Variants in TMPRSS11E observed in about 807,000 individuals in gnomAD.
TMPRSS11E encodes transmembrane protease serine 11E.
TMPRSS11E carries 38 observed loss-of-function variants against 48.1 expected under a neutral mutation model. The observed-to-expected ratio is 0.79, with a 90% CI of 0.61 to 1.04. TMPRSS11E has a LOEUF of 1.04. TMPRSS11E is among the 50% of genes least tolerant of loss of function. The pLI, the probability that TMPRSS11E is intolerant of heterozygous loss-of-function variation, is 0.00. For missense variants in TMPRSS11E, 530 were observed against 510.8 expected (o/e 1.04, Z -0.36); for synonymous variants, 158 against 171.9 (o/e 0.92, Z 0.63).
chr4:68,489,203 T>A (rs1306414890), intron 9 of TMPRSS11E, among the ~76,000 whole-genome samples: 1 of 152,200 alleles, frequency 6.6e-6, no homozygotes, highest in Admixed American at 6.5e-5. Context: ...ATTTCATTCG[T>A]TTTTGGATGA....
At chr4:68,462,595 A>G (rs1728823692) in intron 2 of TMPRSS11E, among the ~76,000 whole-genome samples, 1 of 151,518 alleles carries the variant, frequency 6.6e-6, no homozygotes, top group South Asian at 2.1e-4. Flanking sequence ...AAAGAAAAAA[A>G]AAAATCCAAC....
intron 9 of TMPRSS11E, among the ~76,000 whole-genome samples, chr4:68,484,901 T>G (rs1401398403): frequency 6.6e-6 from 1 of 152,150 alleles, no homozygotes. Flanking sequence ...TGAAGAGAGA[T>G]AGTTTGACTT....
rs1728508713 is a variant in TMPRSS11E, at chr4:68,451,892, G to C, written c.11+4369G>C. ...TTCAAAGCCTATGCTCTTAATCACA[G>C]TGCTATACCACCCTCACAATGTCTC... On this transcript the variant is annotated intron_variant, in intron 1 of 9. Transcript: ENST00000305363. Among the ~76,000 whole-genome samples the C allele has an allele frequency of 2.0e-5, 3 of 151,850 alleles. No homozygotes were observed. The South Asian group carries it at 6.2e-4, about 32-fold the overall frequency.
chr4:68,496,954 C>T lies in TMPRSS11E; in HGVS notation c.*150C>T. The T allele has an allele frequency of 1.2e-6, 1 of 802,690 alleles. No homozygotes were observed. Among genetic ancestry groups the T allele is most frequent in the Non-Finnish European group, 2.0e-6 (1 of 496,702 alleles). The allele number at this position is 802,690 out of a possible 1,614,324, so 49.7% of individuals were successfully genotyped here. On this transcript the variant is annotated 3_prime_UTR_variant, in exon 10 of 10. Coordinates refer to ENST00000305363, the MANE Select transcript of TMPRSS11E (RefSeq NM_014058.4). The stretch of plus-strand genomic sequence containing the variant: ...GTTTGCTTGATGCATGTATTTTCTT[C>T]CCAGCTCTGTTCCGCACATAAGCAT...
intron 9 of TMPRSS11E, among the ~76,000 whole-genome samples, chr4:68,493,524 T>A (rs147773566): frequency 0.037 from 5,629 of 152,198 alleles, 365 homozygotes; most frequent in African/African-American, 0.13. Flanking sequence ...TGGAGTGCAG[T>A]GGTGTGATCT....
intron 9 of TMPRSS11E, among the ~76,000 whole-genome samples, chr4:68,481,348 G>T (rs900894040): frequency 1.3e-5 from 2 of 152,148 alleles, no homozygotes; most frequent in Non-Finnish European, 2.9e-5. Context: ...TCAAATTGTA[G>T]TTCTGTCTTA....
intron 2 of TMPRSS11E, among the ~76,000 whole-genome samples, chr4:68,462,588 G>GA (rs11405512): frequency 0.7 from 103,969 of 147,608 alleles, 36,576 homozygotes; most frequent in East Asian, 0.9. Flanking sequence ...GTCTCAAAAA[G>GA]AAAAAAAAAA....
chr4:68,468,092 T>C (rs2603192), intron 3 of TMPRSS11E, among the ~76,000 whole-genome samples: 73,078 of 151,848 alleles, frequency 0.48, 18,152 homozygotes, highest in East Asian at 0.76. Context: ...GTCTCATAAT[T>C]GCAAGAAGTG....
At chr4:68,459,993 A>G (rs1239596323) in intron 1 of TMPRSS11E, among the ~76,000 whole-genome samples, 1 of 152,194 alleles carries the variant, frequency 6.6e-6, no homozygotes, top group African/African-American at 2.4e-5. Flanking sequence ...TATTGCAGTA[A>G]TTGACATTCT....
chr4:68,466,881 A>C (rs1728942009), intron 3 of TMPRSS11E, 129 bp downstream of exon 3: 1 of 1,186,384 alleles, frequency 8.4e-7, no homozygotes, highest in Admixed American at 2.1e-5. Context: ...AAGAGGCCCT[A>C]ACCCAAGGAA....
intron 9 of TMPRSS11E, among the ~76,000 whole-genome samples, chr4:68,485,520 G>C (rs139014252): frequency 6.6e-6 from 1 of 152,144 alleles, no homozygotes; most frequent in Non-Finnish European, 1.5e-5. Flanking sequence ...TGGTGGATAA[G>C]CTTTTTGATG....
At position 68,468,898 on chromosome 4, in the gene TMPRSS11E, A is replaced by C; in HGVS notation, c.278A>C (p.Lys93Thr). The change falls in exon 4 of 10, where the codon AAA becomes ACA. Residue 93 changes from lysine (K) to threonine (T), a missense_variant. Physicochemically the swap from Lys to Thr is moderately conservative, Grantham distance 78. Transcript: ENST00000305363. ...LESMVKNAFY[K>T]SPLREEFVKS... ...AAACAGGTGAAAAATGCATTTTATA[A>C]ATCTCCATTAAGGGAAGAATTTGTC... 1 of 1,609,572 alleles carries C rather than the reference A, an allele frequency of 6.2e-7. No individual in the cohort carries two copies. The highest frequency in any genetic ancestry group is 2.2e-5 in the East Asian group (1 of 44,782).
chr4:68,483,678 T>C (rs1284305520), intron 9 of TMPRSS11E, among the ~76,000 whole-genome samples: 1 of 152,170 alleles, frequency 6.6e-6, no homozygotes, highest in African/African-American at 2.4e-5. Context: ...TGCAATTGCT[T>C]TTAGGGTCTT....
intron 4 of TMPRSS11E, among the ~76,000 whole-genome samples, chr4:68,470,988 T>C (rs1452609424): frequency 6.6e-6 from 1 of 151,978 alleles, no homozygotes; most frequent in East Asian, 1.9e-4. Flanking sequence ...TATTTGATAA[T>C]TTTGAATGGT....
chr4:68,450,171 C>T (rs138279549), intron 1 of TMPRSS11E, among the ~76,000 whole-genome samples: 8,203 of 151,950 alleles, frequency 0.054, 326 homozygotes, highest in Non-Finnish European at 0.074. Flanking sequence ...CATGTGCTCA[C>T]ACTTCTCCTT....
chr4:68,448,238 AG>A (rs1374179246), intron 1 of TMPRSS11E, among the ~76,000 whole-genome samples: 2 of 151,976 alleles, frequency 1.3e-5, no homozygotes, highest in East Asian at 3.9e-4. Flanking sequence ...ATTTTTTATT[AG>A]TTTTTACTTT....
In TMPRSS11E at chr4:68,496,754, A is replaced by G. The variant is rs1729879677; in HGVS notation, c.1222A>G (p.Thr408Ala). Residue 408 changes from threonine to alanine, a missense_variant, in exon 10 of 10, where the codon ACT (threonine) becomes GCT (alanine). Coordinates refer to ENST00000305363, the MANE Select transcript of TMPRSS11E (RefSeq NM_014058.4). ...CAKPNKPGVY[T>A]RVTALRDWIT... ...GAAACCCAACAAGCCTGGTGTTTATACTAGAGTTACGGCCTTGCGGGACTG... is the reference window on the plus strand; with the variant it reads ...GAAACCCAACAAGCCTGGTGTTTATGCTAGAGTTACGGCCTTGCGGGACTG... 2 of 1,613,620 alleles carry G rather than the reference A, an allele frequency of 1.2e-6. No homozygotes were observed. The highest frequency in any genetic ancestry group is 2.2e-5 in the East Asian group (1 of 44,874).
chr4:68,448,846 G>A lies in TMPRSS11E; in HGVS notation c.11+1323G>A, dbSNP rs186517620. 1.2e-4 allele frequency among the ~76,000 whole-genome samples: 18 copies of A among 151,942 alleles called. No individual in the cohort carries two copies. The East Asian group carries it at 3.5e-3, about 29-fold the overall frequency. On this transcript the variant is annotated intron_variant, in intron 1 of 9. Coordinates refer to ENST00000305363, the MANE Select transcript of TMPRSS11E (RefSeq NM_014058.4). ...GCACATCTATGTTTGAGTGGGTCTAGATGAGATAAAATGTTAAGAGCATGT... is the reference window on the plus strand; with the variant it reads ...GCACATCTATGTTTGAGTGGGTCTAAATGAGATAAAATGTTAAGAGCATGT...
chr4:68,478,568 C>T (rs2109701075), intron 8 of TMPRSS11E, among the ~76,000 whole-genome samples: 1 of 147,144 alleles, frequency 6.8e-6, no homozygotes, highest in South Asian at 2.2e-4. Flanking sequence ...GATTTACCTG[C>T]ATCAGCCTCC....
Sources: gnomAD v4.1 joint callset for allele counts (sites outside exome capture counted in the v4.1 genomes callset) on GRCh38, gnomAD v4.1.1 for gene constraint, MANE v1.5 for transcripts, NCBI Gene and HGNC (gene_info 2026-07-23, HGNC 2026-07-21) for gene names.